Variants in ADGRL3 observed in about 807,000 individuals in gnomAD.
The protein encoded by ADGRL3 is adhesion G protein-coupled receptor L3.
ADGRL3 carries 62 observed loss-of-function variants against 153.5 expected under a neutral mutation model. The observed-to-expected ratio is 0.40, with a 90% confidence interval of 0.33 to 0.50. The LOEUF (loss-of-function observed/expected upper bound fraction) is 0.50. Among genes scored for constraint, ADGRL3 ranks in the 20% least tolerant of loss-of-function variants. The pLI is 0.47. For synonymous variants in ADGRL3, 710 were observed against 672.5 expected (o/e 1.06, Z -0.86); for missense variants, 1,641 against 1,859.4 (o/e 0.88, Z 2.16).
chr4:61,979,628 T>C lies in ADGRL3; in HGVS notation c.2871T>C (p.Leu957=). 1 of 1,613,974 alleles carries C rather than the reference T, an allele frequency of 6.2e-7. No individual in the cohort carries two copies. The highest frequency in any genetic ancestry group is 8.5e-7 in the Non-Finnish European group (1 of 1,179,868). Residue 957 remains leucine (L), a synonymous_variant, in exon 18 of 27, where the codon CTT becomes CTC. Coordinates refer to ENST00000683033, the MANE Select transcript of ADGRL3 (RefSeq NM_001387552.1). ...CGTGGGTTGGAATTTTGCTGTCCCTTGTTTGTCTCCTGATTTGCATCTTCA... is the reference window on the plus strand; with the variant it reads ...CGTGGGTTGGAATTTTGCTGTCCCTCGTTTGTCTCCTGATTTGCATCTTCA... ...VITWVGILLS[L]VCLLICIFTF... is the part of the protein sequence containing the mutation.
intron 7 of ADGRL3, 43 bp from the exon 8 acceptor site, chr4:61,732,711 A>C (rs1013435696): frequency 1.8e-6 from 2 of 1,125,136 alleles, no homozygotes; most frequent in Admixed American, 3.1e-5. Context: ...ACAAAATATG[A>C]AATTAATATA....
chr4:61,256,497 G>C (rs1418812667), intron 1 of ADGRL3, among the ~76,000 whole-genome samples: 1 of 151,404 alleles, frequency 6.6e-6, no homozygotes, highest in Non-Finnish European at 1.5e-5. Flanking sequence ...TTTTTTCTCA[G>C]TATGAGCCAG....
At chr4:61,232,611 A>G (rs1440045267) in intron 1 of ADGRL3, among the ~76,000 whole-genome samples, 1 of 152,016 alleles carries the variant, frequency 6.6e-6, no homozygotes, top group Non-Finnish European at 1.5e-5. Flanking sequence ...GCCCAGCCCC[A>G]ACAATGTCAC....
chr4:61,422,191 G>C (rs1202875391), intron 2 of ADGRL3, among the ~76,000 whole-genome samples: 1 of 152,140 alleles, frequency 6.6e-6, no homozygotes, highest in Admixed American at 6.5e-5. Context: ...TGACTGGGGA[G>C]TCTTGAGAAT....
Position 61,432,573 on chromosome 4 carries a change from CCTT to C in ADGRL3, c.-174+49385_-174+49387del, listed in dbSNP as rs2097370671. 3.3e-4 allele frequency among the ~76,000 whole-genome samples: 12 copies of C among 35,872 alleles called. 2 individuals carry two copies. Among genetic ancestry groups the C allele is most frequent in the East Asian group, 2.4e-3 (1 of 418 alleles). The allele number at this position is 35,872 out of a possible 152,430, so 23.5% of individuals were successfully genotyped here. A position where few individuals can be genotyped will look rare whatever the true frequency, so the allele number is the denominator to read the frequency against. On this transcript the variant is annotated intron_variant, in intron 2 of 26. Transcript: ENST00000683033. ...TTTATAGATTTCTTTTCTTTCTCTT[CCTT>C]TCTTTCTTTCTTTCTTTCTTTCTTT...
intron 8 of ADGRL3, among the ~76,000 whole-genome samples, chr4:61,806,285 G>A (rs2097551351): frequency 6.6e-6 from 1 of 152,006 alleles, no homozygotes; most frequent in Admixed American, 6.6e-5. Context: ...TGGTTTCATT[G>A]TCTTTAAAAT....
chr4:61,299,036 A>T (rs1365085566), intron 1 of ADGRL3, among the ~76,000 whole-genome samples: 1 of 152,174 alleles, frequency 6.6e-6, no homozygotes, highest in Admixed American at 6.5e-5. Context: ...AGTACAGTAA[A>T]TATTGAGTAT....
At position 61,559,678 on chromosome 4, in the gene ADGRL3, G is replaced by A. The variant is rs933346393; in HGVS notation, c.260-27549G>A. Reference sequence around the variant, plus strand: ...GCATGCCACAAGGGGATGAAAGTGTGACTCAAAATGTAGAGAACAAGAAAA... The same window carrying A: ...GCATGCCACAAGGGGATGAAAGTGTAACTCAAAATGTAGAGAACAAGAAAA... On this transcript the variant is annotated intron_variant, in intron 4 of 26. Transcript: ENST00000683033. Among the ~76,000 whole-genome samples the A allele has an allele frequency of 2.6e-5, 4 of 152,092 alleles. No individual in the cohort carries two copies. In the East Asian group the frequency reaches 7.8e-4, roughly 29 times the overall value.
At chr4:62,062,053 C>T (rs1453912572) in intron 25 of ADGRL3, among the ~76,000 whole-genome samples, 3 of 152,092 alleles carry the variant, frequency 2.0e-5, no homozygotes, top group Non-Finnish European at 2.9e-5. Context: ...TTTTCCAGAG[C>T]GGCTGTGCTA....
intron 9 of ADGRL3, among the ~76,000 whole-genome samples, chr4:61,859,499 A>T (rs1422701318): frequency 2.0e-5 from 3 of 152,192 alleles, no homozygotes; most frequent in African/African-American, 7.2e-5. Flanking sequence ...AAAACACATT[A>T]GTTAATAAAG....
At chr4:61,911,129 T>C (rs1040991621) in intron 12 of ADGRL3, among the ~76,000 whole-genome samples, 8 of 152,124 alleles carry the variant, frequency 5.3e-5, no homozygotes, top group African/African-American at 1.7e-4. Flanking sequence ...ATGCTATTAA[T>C]GAATATTGCT....
At chr4:62,027,013 C>G (rs1245247158) in intron 21 of ADGRL3, among the ~76,000 whole-genome samples, 1 of 151,986 alleles carries the variant, frequency 6.6e-6, no homozygotes, top group Non-Finnish European at 1.5e-5. Context: ...ATGTGTCAAC[C>G]TCTGTAACTT....
chr4:61,834,453 G>T (rs974560735), intron 9 of ADGRL3, among the ~76,000 whole-genome samples: 2 of 152,144 alleles, frequency 1.3e-5, no homozygotes, highest in African/African-American at 4.8e-5. Context: ...AGCATGCTTT[G>T]TAATCCTTTG....
intron 1 of ADGRL3, among the ~76,000 whole-genome samples, chr4:61,299,691 T>A (rs1168989355): frequency 6.6e-6 from 1 of 152,188 alleles, no homozygotes; most frequent in Non-Finnish European, 1.5e-5. Flanking sequence ...CCCAAAGAAC[T>A]GCTTTCTTTT....
intron 9 of ADGRL3, among the ~76,000 whole-genome samples, chr4:61,855,540 G>A (rs2098253400): frequency 6.6e-6 from 1 of 152,074 alleles, no homozygotes. Context: ...AAGAAATACT[G>A]ATAAACATTA....
chr4:61,614,487 A>AAAAT (rs775639797), intron 5 of ADGRL3, among the ~76,000 whole-genome samples: 166 of 152,264 alleles, frequency 1.1e-3, no homozygotes, highest in Non-Finnish European at 2.0e-3. Context: ...CCTGATGACT[A>AAAAT]AAATATAAAG....
Position 61,839,983 on chromosome 4 carries a change from A to G in ADGRL3, c.1480+26094A>G, listed in dbSNP as rs1348689700. Among the ~76,000 whole-genome samples the G allele has an allele frequency of 2.7e-5, 4 of 149,244 alleles. 1 individual carries two copies. Among genetic ancestry groups the G allele is most frequent in the Admixed American group, 1.3e-4 (2 of 14,884 alleles). On this transcript the variant is annotated intron_variant, in intron 9 of 26. Coordinates refer to ENST00000683033, the MANE Select transcript of ADGRL3 (RefSeq NM_001387552.1). ...AAAAAAAAGGACATTAAAAAAAAAA[A>G]GCAAATCCAGGTTCTTCTGTAATGA...
At chr4:61,988,798 G>T (rs2150950913) in intron 19 of ADGRL3, among the ~76,000 whole-genome samples, 1 of 152,232 alleles carries the variant, frequency 6.6e-6, no homozygotes, top group East Asian at 1.9e-4. Flanking sequence ...AAAGCCCAGA[G>T]AATTGTCTAG....
chr4:61,472,922 C>G (rs894208859), intron 2 of ADGRL3, among the ~76,000 whole-genome samples: 1 of 152,078 alleles, frequency 6.6e-6, no homozygotes, highest in South Asian at 2.1e-4. Flanking sequence ...GGTACATTTT[C>G]TTTTGTCCCT....
Sources: gnomAD v4.1 joint callset for allele counts (sites outside exome capture counted in the v4.1 genomes callset) on GRCh38, gnomAD v4.1.1 for gene constraint, MANE v1.5 for transcripts, NCBI Gene and HGNC (gene_info 2026-07-23, HGNC 2026-07-21) for gene names.